The following LRRCC1 variants were observed in gnomAD, a reference collection of about 807,000 sequenced individuals.
The protein encoded by LRRCC1 is leucine rich repeat and coiled-coil centrosomal protein 1, also known as leucine-rich repeat and coiled-coil domain-containing protein 1.
In LRRCC1, 115 loss-of-function variants were observed where a neutral mutation model predicts 126.0. The observed-to-expected ratio is 0.91, with a 90% confidence interval of 0.78 to 1.07. The LOEUF (loss-of-function observed/expected upper bound fraction) is 1.07, where lower values mean the gene tolerates loss of function less well. Ranked by LOEUF, LRRCC1 falls within the 50% of genes least tolerant of loss-of-function variation. The pLI is 0.00. For synonymous variants in LRRCC1, 400 were observed against 393.4 expected, an observed-to-expected ratio of 1.02 and a Z score of -0.20; for missense variants, 1,172 against 1,175.7, an observed-to-expected ratio of 1.00 and a Z score of 0.05.
intron 18 of LRRCC1, 115 bp downstream of exon 18, chr8:85,141,632 A>T: frequency 1.3e-6 from 1 of 746,086 alleles, no homozygotes; most frequent in Non-Finnish European, 2.1e-6. Flanking sequence ...GACCAAATAG[A>T]TATAAAGAAT....
chr8:85,107,279 T>C lies in LRRCC1; in HGVS notation c.-17T>C. 1 of 1,603,010 alleles carries C rather than the reference T, an allele frequency of 6.2e-7. No homozygotes were observed. Among genetic ancestry groups the C allele is most frequent in the Admixed American group, 1.7e-5 (1 of 58,190 alleles). ...CGCTGGGTGCCGGTTAAGACCCCGC[T>C]CCCCGTCGCCAGTGCTATGGAGGCG... is the stretch of plus-strand genomic sequence containing the variant. On this transcript the variant is annotated 5_prime_UTR_variant, in exon 1 of 19. Transcript: ENST00000360375.
chr8:85,115,004 GGT>G, intron 4 of LRRCC1, 94 bp from the exon 5 acceptor site: 2 of 878,142 alleles, frequency 2.3e-6, no homozygotes, highest in Middle Eastern at 3.1e-4. Flanking sequence ...AACTATTCCG[GGT>G]GATGTATCTG....
Position 85,123,606 on chromosome 8 carries a change from G to A in LRRCC1, c.1124G>A (p.Ser375Asn), listed in dbSNP as rs758892593. ...AATAAAAACTACAACTCTTTTGTAA[G>A]GTACTTGTTTTAGTTTTAGAAATTT... ...HHNKNYNSFV[S>N]CNRKMKPPYL... The change falls in exon 7 of 19, where the codon AGT (serine) becomes AAT (asparagine). Residue 375 changes from serine to asparagine, a missense_variant and splice_region_variant. Coordinates refer to ENST00000360375, the MANE Select transcript of LRRCC1 (RefSeq NM_033402.5). 6.4e-7 allele frequency: 1 copy of A among 1,561,992 alleles called. No homozygotes were observed. Among genetic ancestry groups the A allele is most frequent in the Non-Finnish European group, 8.6e-7 (1 of 1,161,246 alleles).
At chr8:85,113,928 C>A (rs529526156) in intron 4 of LRRCC1, among the ~76,000 whole-genome samples, 2 of 152,136 alleles carry the variant, frequency 1.3e-5, no homozygotes, top group South Asian at 4.1e-4. Flanking sequence ...TGTGAATATA[C>A]ATTCTAAAGA....
intron 6 of LRRCC1, among the ~76,000 whole-genome samples, chr8:85,116,665 C>T (rs73261881): frequency 2.0e-3 from 308 of 152,266 alleles, no homozygotes; most frequent in African/African-American, 6.9e-3. Context: ...AGAGCCACCA[C>T]GCCCAACCTC....
At chr8:85,132,831 C>T (rs953826642) in intron 12 of LRRCC1, among the ~76,000 whole-genome samples, 3 of 152,220 alleles carry the variant, frequency 2.0e-5, no homozygotes, top group Admixed American at 6.5e-5. Context: ...TCCCACCAAA[C>T]GTATAGTAGA....
intron 6 of LRRCC1, 137 bp from the exon 7 acceptor site, chr8:85,123,276 C>T (rs1809707636): frequency 5.2e-6 from 3 of 578,954 alleles, no homozygotes; most frequent in Non-Finnish European, 8.7e-6. Context: ...AAGCTGAATT[C>T]CCTGTCTTTA....
intron 10 of LRRCC1, 135 bp from the exon 11 acceptor site, chr8:85,129,784 A>T: frequency 1.5e-6 from 1 of 649,262 alleles, no homozygotes; most frequent in South Asian, 2.9e-5. Flanking sequence ...TGACTGTAAC[A>T]TCATTAATTT....
In LRRCC1 at chr8:85,130,011, A is replaced by T; in HGVS notation, c.1719A>T (p.Gln573His). 1.2e-6 allele frequency: 2 copies of T among 1,601,632 alleles called. No individual in the cohort carries two copies. Among genetic ancestry groups the T allele is most frequent in the Non-Finnish European group, 1.7e-6 (2 of 1,175,632 alleles). The change falls in exon 11 of 19, where the codon CAA becomes CAT. Residue 573 changes from glutamine (Q) to histidine (H), a missense_variant. By Grantham distance (24) the Gln-to-His change is conservative. Coordinates refer to ENST00000360375, the MANE Select transcript of LRRCC1 (RefSeq NM_033402.5). ...CTTCCCTTCATCGAGAAAGAGAACA[A>T]GCGCAACAACTTCATCAACTTCTTG... The part of the protein sequence containing the change: ...LRTSLHRERE[Q>H]AQQLHQLLAL...
chr8:85,107,564 G>A (rs1808338571), intron 1 of LRRCC1, 165 bp downstream of exon 1: 1 of 561,634 alleles, frequency 1.8e-6, no homozygotes, highest in East Asian at 3.0e-5. Context: ...CTTACCTGCC[G>A]AAGTGCCAGG....
rs759057776 is a variant in LRRCC1, at chr8:85,129,413, A to AT, written c.1626+36dup. 1.4e-4 allele frequency: 213 copies of AT among 1,503,158 alleles called. 1 individual carries two copies. The highest frequency in any genetic ancestry group is 1.9e-4 in the Non-Finnish European group (207 of 1,103,640). The allele number at this position is 1,503,158 out of a possible 1,614,324, so 93.1% of individuals were successfully genotyped here. A position where few individuals can be genotyped will look rare whatever the true frequency, so the allele number is the denominator to read the frequency against. On this transcript the variant is annotated intron_variant, in intron 10 of 18. Transcript: ENST00000360375. The stretch of plus-strand genomic sequence containing the variant: ...CTATTTTAATATATGAGTAGCACAG[A>AT]TTAACACAAATTCATAGCTTCTATC...
chr8:85,145,172 G>C (rs7015758), intron 18 of LRRCC1, among the ~76,000 whole-genome samples: 99,769 of 149,598 alleles, frequency 0.67, 33,755 homozygotes, highest in Non-Finnish European at 0.68. Context: ...AAACTAAGTA[G>C]ATAATATATT....
intron 3 of LRRCC1, among the ~76,000 whole-genome samples, chr8:85,111,507 C>A (rs1173925343): frequency 6.6e-6 from 1 of 152,090 alleles, no homozygotes; most frequent in East Asian, 1.9e-4. Context: ...TTAATTCTCT[C>A]AGTATGTATT....
intron 1 of LRRCC1, 55 bp from the exon 2 acceptor site, chr8:85,109,535 TTTTAG>T (rs1358650545): frequency 4.2e-5 from 41 of 979,848 alleles, no homozygotes; most frequent in Non-Finnish European, 6.0e-5. Flanking sequence ...GTTTGGTTAA[TTTTAG>T]TTATTTGGTC....
intron 18 of LRRCC1, among the ~76,000 whole-genome samples, chr8:85,143,072 C>T (rs551181429): frequency 7.0e-4 from 107 of 152,146 alleles, no homozygotes; most frequent in Non-Finnish European, 1.4e-3. Context: ...TGCCTGTAAG[C>T]CCAGCACTTT....
chr8:85,124,590 CT>C (rs1163974756), intron 7 of LRRCC1, among the ~76,000 whole-genome samples: 2 of 152,046 alleles, frequency 1.3e-5, no homozygotes, highest in Non-Finnish European at 2.9e-5. Context: ...AAATCATTAT[CT>C]TTTTTAAAAT....
At chr8:85,145,358 ATT>A in intron 18 of LRRCC1, 29 bp from the exon 19 acceptor site, 1 of 1,406,444 alleles carries the variant, frequency 7.1e-7, no homozygotes. Flanking sequence ...TCTTTAAGAA[ATT>A]AAAATGTAAA....
chr8:85,109,733 AG>A lies in LRRCC1; in HGVS notation c.245del (p.Gly82AspfsTer2), dbSNP rs754141179. 6.2e-7 allele frequency: 1 copy of A among 1,602,794 alleles called. No homozygotes were observed. The highest frequency in any genetic ancestry group is 1.7e-5 in the Admixed American group (1 of 59,700). On this transcript the variant is annotated frameshift_variant, in exon 2 of 19. Coordinates refer to ENST00000360375, the MANE Select transcript of LRRCC1 (RefSeq NM_033402.5). LOFTEE classifies it high-confidence loss of function. Reference protein sequence around the residue: ...LSSNQISRIEGLNTLTKLCTL... With the variant: ...LSSNQISRIEXLNTLTKLCTL... The stretch of plus-strand genomic sequence containing the variant: ...CATCTAATCAAATAAGTAGAATTGA[AG>A]GACTAAACACACTGACAAAACTGTG...
chr8:85,122,323 C>T lies in LRRCC1; in HGVS notation c.931-1090C>T, dbSNP rs77726257. ...TTTCACCTAATTTGGGAAATTTCTT[C>T]CAATATTTCTTCTGCTCCATTCTCT... On this transcript the variant is annotated intron_variant, in intron 6 of 18. Transcript: ENST00000360375. Among the ~76,000 whole-genome samples, 7 of 152,244 alleles carry T rather than the reference C, an allele frequency of 4.6e-5. No homozygotes were observed. In the East Asian group the frequency reaches 1.4e-3, roughly 29 times the overall value.
Sources: allele counts gnomAD v4.1 joint callset (sites outside exome capture counted in the v4.1 genomes callset), GRCh38; gene constraint gnomAD v4.1.1; transcripts MANE v1.5; gene names NCBI Gene and HGNC (gene_info 2026-07-23, HGNC 2026-07-21).